The following DCX variants were observed in gnomAD, a reference collection of about 807,000 sequenced individuals.
DCX encodes neuronal migration protein doublecortin.
DCX carries 4 observed loss-of-function variants against 20.9 expected under a neutral mutation model. That is an observed-to-expected ratio of 0.19 (90% CI 0.09 to 0.44). DCX has a LOEUF of 0.44. Ranked by LOEUF, DCX falls within the 20% of genes least tolerant of loss-of-function variation. The probability of loss-of-function intolerance (pLI) is 0.99; values close to 1 mark genes in which losing one functional copy is unlikely to be tolerated. For missense variants in DCX, 133 were observed against 296.9 expected, an observed-to-expected ratio of 0.45 and a Z score of 4.06; for synonymous variants, 103 against 111.4, an observed-to-expected ratio of 0.92 and a Z score of 0.47.
At chrX:111,303,607 G>A (rs943626308) in intron 6 of DCX, among the ~76,000 whole-genome samples, 3 of 111,905 alleles carry the variant, frequency 2.7e-5, no homozygotes, top group East Asian at 2.8e-4. Context: ...TCAGAAACCC[G>A]AGGTTTAACT....
chrX:111,299,042 G>C lies in DCX; in HGVS notation c.*2645C>G, dbSNP rs980099381. ...TGCTGACTTGATGTTTGTTGACCGT[G>C]CAGAAATTAACACAATGGAACTTGA... On this transcript the variant is annotated 3_prime_UTR_variant, in exon 7 of 7. Coordinates refer to ENST00000636035, the MANE Select transcript of DCX (RefSeq NM_001195553.2). 1 of 110,509 alleles carries C rather than the reference G, an allele frequency of 9.0e-6. No individual in the cohort carries two copies. Among genetic ancestry groups the C allele is most frequent in the Non-Finnish European group, 1.9e-5 (1 of 52,836 alleles). The allele number at this position is 110,509 out of a possible 1,213,427, so 9.1% of individuals were successfully genotyped here. A position where few individuals can be genotyped will look rare whatever the true frequency, so the allele number is the denominator to read the frequency against.
At chrX:111,313,692 A>G (rs1262270682) in intron 5 of DCX, among the ~76,000 whole-genome samples, 2 of 112,056 alleles carry the variant, frequency 1.8e-5, no homozygotes, top group Admixed American at 9.5e-5. Flanking sequence ...TTAATATCCA[A>G]TCATGAAGAA....
In DCX at chrX:111,294,055, C is replaced by T. The variant is rs959833459; in HGVS notation, c.*7632G>A. On this transcript the variant is annotated 3_prime_UTR_variant, in exon 7 of 7. Transcript: ENST00000636035. ...GGTGGGGGAAGAGGGGTGTTACAGG[C>T]ACAGGAGATGAAAAGGGTCTGCTCC... 1.8e-5 allele frequency: 2 copies of T among 111,814 alleles called. No individual in the cohort carries two copies. Among genetic ancestry groups the T allele is most frequent in the African/African-American group, 6.5e-5 (2 of 30,613 alleles). 9.2% of individuals were successfully genotyped at this position (111,814 alleles called of 1,213,427 possible). A position where few individuals can be genotyped will look rare whatever the true frequency, so the allele number is the denominator to read the frequency against.
chrX:111,405,022 T>C (rs1309780868), intron 2 of DCX, among the ~76,000 whole-genome samples: 2 of 112,010 alleles, frequency 1.8e-5, no homozygotes, highest in Non-Finnish European at 3.8e-5. Flanking sequence ...AGGGTGCAAA[T>C]TCGCTGGAAC....
chrX:111,303,011 CT>C (rs2095037342), intron 6 of DCX, among the ~76,000 whole-genome samples: 1 of 110,763 alleles, frequency 9.0e-6, no homozygotes, highest in Admixed American at 9.6e-5. Context: ...ATGGATTTTA[CT>C]TTTGTTGTCA....
intron 3 of DCX, among the ~76,000 whole-genome samples, chrX:111,344,207 C>A (rs1396618673): frequency 1.8e-5 from 2 of 112,027 alleles, no homozygotes; most frequent in Non-Finnish European, 3.8e-5. Flanking sequence ...GTTAAAATCT[C>A]TCAATAAACT....
chrX:111,379,839 T>C (rs775374384), intron 3 of DCX, among the ~76,000 whole-genome samples: 2 of 111,208 alleles, frequency 1.8e-5, no homozygotes, highest in East Asian at 5.7e-4. Context: ...TCTTTCTTTC[T>C]TTTTTTTAAC....
intron 3 of DCX, among the ~76,000 whole-genome samples, chrX:111,351,776 T>G: frequency 8.9e-6 from 1 of 112,243 alleles, no homozygotes; most frequent in Non-Finnish European, 1.9e-5. Flanking sequence ...CAGACTGGAG[T>G]GCACTGGTGC....
intron 1 of DCX, chrX:111,411,140 A>G: frequency 2.2e-6 from 1 of 461,935 alleles, no homozygotes; most frequent in Non-Finnish European, 3.8e-6. Flanking sequence ...CATTCATAAG[A>G]AATAAGCTGG....
At chrX:111,398,922 G>A (rs775288306) in intron 3 of DCX, among the ~76,000 whole-genome samples, 43 of 110,830 alleles carry the variant, frequency 3.9e-4, no homozygotes, top group Non-Finnish European at 6.8e-4. Flanking sequence ...AGACCATCCC[G>A]GGCAACACAG....
intron 2 of DCX, 92 bp downstream of exon 2, chrX:111,409,943 T>C (rs1345244387): frequency 2.6e-6 from 3 of 1,136,677 alleles, no homozygotes; most frequent in Non-Finnish European, 3.6e-6. Flanking sequence ...GAAAAATACA[T>C]TGCCTAATTT....
intron 5 of DCX, among the ~76,000 whole-genome samples, chrX:111,316,100 A>AT (rs1432994548): frequency 9.4e-6 from 1 of 106,918 alleles, no homozygotes; most frequent in Non-Finnish European, 1.9e-5. Context: ...AAAAAAAAAA[A>AT]AAAAAAAAAA....
chrX:111,394,093 T>A (rs1419218974), intron 3 of DCX, among the ~76,000 whole-genome samples: 1 of 112,033 alleles, frequency 8.9e-6, no homozygotes, highest in Non-Finnish European at 1.9e-5. Flanking sequence ...ACAACCCAAA[T>A]GTCCATTAAT....
intron 5 of DCX, 59 bp downstream of exon 5, chrX:111,330,845 A>G (rs1343208918): frequency 8.3e-7 from 1 of 1,198,840 alleles, no homozygotes; most frequent in African/African-American, 1.8e-5. Flanking sequence ...CTCTGCATGC[A>G]GAAAGTATTG....
At chrX:111,311,815 T>C (rs2095058312) in intron 6 of DCX, among the ~76,000 whole-genome samples, 1 of 112,591 alleles carries the variant, frequency 8.9e-6, no homozygotes, top group Admixed American at 9.4e-5. Flanking sequence ...CAGTTAGTCA[T>C]ATTGGTGGCT....
At chrX:111,410,820 C>A (rs1928649844) in intron 1 of DCX, 1 of 1,209,201 alleles carries the variant, frequency 8.3e-7, no homozygotes, top group African/African-American at 1.8e-5. Flanking sequence ...TGTTTCCTCA[C>A]ACATGCCCAC....
At chrX:111,396,169 A>G (rs948431535) in intron 3 of DCX, among the ~76,000 whole-genome samples, 1 of 111,984 alleles carries the variant, frequency 8.9e-6, no homozygotes, top group Non-Finnish European at 1.9e-5. Context: ...TGCATCAACC[A>G]TTTCCTTAAA....
intron 3 of DCX, among the ~76,000 whole-genome samples, chrX:111,397,529 G>A (rs1323251767): frequency 8.9e-6 from 1 of 111,792 alleles, no homozygotes; most frequent in Non-Finnish European, 1.9e-5. Context: ...AATGAGCTGA[G>A]CTCCAAAATT....
At chrX:111,397,786 T>C (rs1927443585) in intron 3 of DCX, among the ~76,000 whole-genome samples, 1 of 77,527 alleles carries the variant, frequency 1.3e-5, no homozygotes, top group Non-Finnish European at 2.9e-5. Context: ...TACATATATG[T>C]GTGTGTGTAT....
Sources: allele counts gnomAD v4.1 joint callset (sites outside exome capture counted in the v4.1 genomes callset), GRCh38; gene constraint gnomAD v4.1.1; transcripts MANE v1.5; gene names NCBI Gene and HGNC (gene_info 2026-07-23, HGNC 2026-07-21).